The following ITM2B variants were observed in gnomAD, a reference collection of about 807,000 sequenced individuals.
ITM2B encodes the protein ABri/ADan amyloid peptide.
Under a neutral mutation model 27.8 loss-of-function variants are expected in ITM2B, and 11 were observed. The observed-to-expected ratio is 0.40, with a 90% CI of 0.25 to 0.66. The LOEUF (loss-of-function observed/expected upper bound fraction) is 0.66. Ranked by LOEUF, ITM2B falls within the 30% of genes least tolerant of loss-of-function variation. The probability of loss-of-function intolerance (pLI) is 0.43; values close to 1 mark genes in which losing one functional copy is unlikely to be tolerated. For missense variants in ITM2B, 296 were observed against 328.9 expected, an observed-to-expected ratio of 0.90 and a Z score of 0.77; for synonymous variants, 114 against 114.3, an observed-to-expected ratio of 1.00 and a Z score of 0.02.
At chr13:48,241,921 C>T (rs1951701633) in intron 1 of ITM2B, among the ~76,000 whole-genome samples, 1 of 152,106 alleles carries the variant, frequency 6.6e-6, no homozygotes, top group South Asian at 2.1e-4. Flanking sequence ...CCTTGTGGAC[C>T]CCCTGAACGG....
intron 5 of ITM2B, among the ~76,000 whole-genome samples, chr13:48,259,588 T>C (rs1593396995): frequency 2.0e-5 from 3 of 152,294 alleles, no homozygotes; most frequent in Admixed American, 2.0e-4. Context: ...GTGATTTCTT[T>C]GGAATTGTGT....
chr13:48,233,396 GA>G lies in ITM2B; in HGVS notation c.38del (p.Lys13ArgfsTer49). ...TGACGTTCAACTCCGCTCTGGCCCA[GA>G]AGGAGGCCAAGAAGGACGAGCCCAA... is the stretch of plus-strand genomic sequence containing the variant. ...KVTFNSALAQ[K>X]EAKKDEPKSG... On this transcript the variant is annotated frameshift_variant, in exon 1 of 6. Transcript: ENST00000647800. LOFTEE classifies it high-confidence loss of function. 1 of 1,565,216 alleles carries G rather than the reference GA, an allele frequency of 6.4e-7. No individual in the cohort carries two copies. The highest frequency in any genetic ancestry group is 8.6e-7 in the Non-Finnish European group (1 of 1,158,074).
Position 48,265,121 on chromosome 13 carries a change from AT to A in ITM2B, c.*3902del, listed in dbSNP as rs1472125031. 6.6e-6 allele frequency: 1 copy of A among 152,208 alleles called. No individual in the cohort carries two copies. Among genetic ancestry groups the A allele is most frequent in the East Asian group, 1.9e-4 (1 of 5,178 alleles). The allele number at this position is 152,208 out of a possible 1,614,324, so 9.4% of individuals were successfully genotyped here. ...TAATTTGATGGGACTTCTGTATCTG[AT>A]TTTTAAGCTTGCATTTGTGTTTATA... On this transcript the variant is annotated 3_prime_UTR_variant, in exon 6 of 6. Coordinates refer to ENST00000647800, the MANE Select transcript of ITM2B (RefSeq NM_021999.5).
At chr13:48,235,714 T>C (rs961530549) in intron 1 of ITM2B, among the ~76,000 whole-genome samples, 8 of 152,224 alleles carry the variant, frequency 5.3e-5, no homozygotes, top group Non-Finnish European at 8.8e-5. Flanking sequence ...GGGAACAGAA[T>C]CAGCCTTAAT....
At chr13:48,233,658 G>C (rs369072102) in intron 1 of ITM2B, among the ~76,000 whole-genome samples, 181 bp downstream of exon 1, 70 of 152,294 alleles carry the variant, frequency 4.6e-4, no homozygotes, top group African/African-American at 1.6e-3. Context: ...AAGGAAGTGC[G>C]TGTGCTGGAA....
intron 5 of ITM2B, 119 bp downstream of exon 5, chr13:48,259,066 G>A (rs561823498): frequency 4.7e-5 from 32 of 673,982 alleles, no homozygotes; most frequent in East Asian, 3.0e-4. Context: ...ATATTGTGTC[G>A]TTATATAATA....
chr13:48,254,020 G>A (rs1156981606), intron 2 of ITM2B, 84 bp downstream of exon 2: 3 of 1,343,780 alleles, frequency 2.2e-6, no homozygotes, highest in East Asian at 4.6e-5. Context: ...TTTACAACTT[G>A]CGCTAAGCTT....
rs867789507 is a variant in ITM2B, at chr13:48,245,502, A to G, written c.118-8306A>G. The stretch of plus-strand genomic sequence containing the variant: ...TCTCTGATACAAAAGTGATTAAGTT[A>G]TGATCCAGTTCTAAATGCATTGCGT... On this transcript the variant is annotated intron_variant, in intron 1 of 5. Coordinates refer to ENST00000647800, the MANE Select transcript of ITM2B (RefSeq NM_021999.5). Among the ~76,000 whole-genome samples, 21 of 152,008 alleles carry G rather than the reference A, an allele frequency of 1.4e-4. 1 individual carries two copies. The highest frequency in any genetic ancestry group is 6.8e-3 in the Middle Eastern group (2 of 294).
chr13:48,251,128 A>T (rs538586266), intron 1 of ITM2B, among the ~76,000 whole-genome samples: 1 of 152,232 alleles, frequency 6.6e-6, no homozygotes, highest in Non-Finnish European at 1.5e-5. Flanking sequence ...TGTGACCTGC[A>T]CCAGCTTCTT....
intron 1 of ITM2B, among the ~76,000 whole-genome samples, chr13:48,234,593 T>C (rs1288095447): frequency 6.6e-6 from 1 of 152,184 alleles, no homozygotes; most frequent in Non-Finnish European, 1.5e-5. Context: ...AGGCCACTAA[T>C]ATACTGTAAA....
At chr13:48,253,116 A>AT (rs1951763804) in intron 1 of ITM2B, among the ~76,000 whole-genome samples, 1 of 151,972 alleles carries the variant, frequency 6.6e-6, no homozygotes, top group Admixed American at 6.6e-5. Flanking sequence ...ATATGTTCTC[A>AT]TTTTTTTCTA....
chr13:48,246,707 T>TA (rs1951726184), intron 1 of ITM2B, among the ~76,000 whole-genome samples: 1 of 152,124 alleles, frequency 6.6e-6, no homozygotes, highest in Non-Finnish European at 1.5e-5. Context: ...CAGAAGGAAG[T>TA]ATACCCAGTC....
intron 2 of ITM2B, among the ~76,000 whole-genome samples, 155 bp from the exon 3 acceptor site, chr13:48,256,022 A>G (rs1242767252): frequency 1.3e-5 from 2 of 152,224 alleles, no homozygotes; most frequent in Non-Finnish European, 2.9e-5. Context: ...CTTAAAGAAT[A>G]TGTTAACTCT....
chr13:48,238,739 G>C (rs1218694336), intron 1 of ITM2B, among the ~76,000 whole-genome samples: 1 of 152,010 alleles, frequency 6.6e-6, no homozygotes, highest in Non-Finnish European at 1.5e-5. Context: ...AACCGTTTTT[G>C]GCATAGTTGA....
intron 5 of ITM2B, among the ~76,000 whole-genome samples, chr13:48,259,676 A>G (rs1388691983): frequency 1.0e-4 from 15 of 149,146 alleles, no homozygotes; most frequent in Admixed American, 6.7e-4. Flanking sequence ...CGGTTGAGTC[A>G]TCTGAAACCA....
At chr13:48,256,638 A>G (rs1361480544) in intron 3 of ITM2B, among the ~76,000 whole-genome samples, 1 of 152,004 alleles carries the variant, frequency 6.6e-6, no homozygotes, top group Non-Finnish European at 1.5e-5. Flanking sequence ...GCAAACTAAT[A>G]TTTTTTATAT....
intron 1 of ITM2B, among the ~76,000 whole-genome samples, chr13:48,251,870 A>G (rs1037425837): frequency 1.3e-5 from 2 of 152,226 alleles, no homozygotes; most frequent in Admixed American, 6.5e-5. Flanking sequence ...AAAGATGTAT[A>G]CTTCGTCATT....
intron 1 of ITM2B, among the ~76,000 whole-genome samples, chr13:48,234,945 C>T (rs1459360121): frequency 2.0e-5 from 3 of 151,976 alleles, no homozygotes; most frequent in Non-Finnish European, 2.9e-5. Context: ...TTCGTTGTAC[C>T]TAAAATAGAT....
At chr13:48,239,871 A>G (rs942943853) in intron 1 of ITM2B, among the ~76,000 whole-genome samples, 1 of 152,174 alleles carries the variant, frequency 6.6e-6, no homozygotes, top group Non-Finnish European at 1.5e-5. Flanking sequence ...TCTGTAGCCC[A>G]TGGGGTAAGA....
Sources: gnomAD v4.1 joint callset for allele counts (sites outside exome capture counted in the v4.1 genomes callset) on GRCh38, gnomAD v4.1.1 for gene constraint, MANE v1.5 for transcripts, NCBI Gene and HGNC (gene_info 2026-07-23, HGNC 2026-07-21) for gene names.